The following ACSM6 variants were observed in gnomAD, a reference collection of about 807,000 sequenced individuals.
The protein encoded by ACSM6 is acyl-coenzyme A synthetase ACSM6, mitochondrial.
Under a neutral mutation model 51.1 loss-of-function variants are expected in ACSM6, and 35 were observed. The observed-to-expected ratio is 0.69, with a 90% CI of 0.52 to 0.91. The LOEUF (loss-of-function observed/expected upper bound fraction) is 0.91, where lower values mean the gene tolerates loss of function less well. ACSM6 is among the 40% of genes least tolerant of loss of function. ACSM6 has a pLI of 0.00. For synonymous variants in ACSM6, 172 were observed against 207.3 expected (o/e 0.83, Z 1.46); for missense variants, 509 against 584.1 (o/e 0.87, Z 1.32).
chr10:95,207,701 C>T (rs577583417), intron 4 of ACSM6, among the ~76,000 whole-genome samples: 44 of 152,084 alleles, frequency 2.9e-4, no homozygotes, highest in African/African-American at 1.0e-3. Flanking sequence ...TCATATGTAA[C>T]CATTCGTTCT....
At chr10:95,197,862 C>T (rs1037943859) in intron 2 of ACSM6, among the ~76,000 whole-genome samples, 36 of 152,354 alleles carry the variant, frequency 2.4e-4, no homozygotes, top group Admixed American at 2.4e-3. Context: ...TTGGACGATA[C>T]CCAGCTTTCA....
chr10:95,213,096 ATTT>A (rs1460334723), intron 7 of ACSM6, among the ~76,000 whole-genome samples, 156 bp downstream of exon 7: 2 of 152,120 alleles, frequency 1.3e-5, no homozygotes, highest in African/African-American at 2.4e-5. Context: ...AGTGTGTGTG[ATTT>A]TTTATTCCCT....
chr10:95,204,897 G>T (rs1041613599), intron 3 of ACSM6, among the ~76,000 whole-genome samples: 1 of 152,038 alleles, frequency 6.6e-6, no homozygotes, highest in Admixed American at 6.6e-5. Context: ...TAATGTATAA[G>T]AAACATCTGT....
At chr10:95,226,958 T>C in intron 10 of ACSM6, among the ~76,000 whole-genome samples, 1 of 151,924 alleles carries the variant, frequency 6.6e-6, no homozygotes, top group East Asian at 1.9e-4. Context: ...TACTTATGAT[T>C]TTCAGGGATC....
intron 2 of ACSM6, among the ~76,000 whole-genome samples, chr10:95,196,484 T>C (rs957307577): frequency 3.3e-5 from 5 of 152,240 alleles, no homozygotes; most frequent in Non-Finnish European, 7.3e-5. Flanking sequence ...CACTTCATCA[T>C]AGAATTGTTA....
At chr10:95,220,004 T>G (rs1471641795) in intron 9 of ACSM6, 33 bp downstream of exon 9, 1 of 1,518,308 alleles carries the variant, frequency 6.6e-7, no homozygotes, top group African/African-American at 1.4e-5. Context: ...ATGACAGATA[T>G]TATTAAGTGA....
chr10:95,210,605 G>A (rs199746014), intron 4 of ACSM6, 45 bp from the exon 5 acceptor site: 2 of 1,580,130 alleles, frequency 1.3e-6, no homozygotes, highest in Non-Finnish European at 1.7e-6. Flanking sequence ...CTTAATCAGA[G>A]AACCTAAATT....
At position 95,228,735 on chromosome 10, in the gene ACSM6, G is replaced by A. The variant is rs1000095820; in HGVS notation, c.1394G>A (p.Trp465Ter). The stretch of plus-strand genomic sequence containing the variant: ...ATGGATGAAGACGGCTACTTCTGGT[G>A]GTCTGGTAGAGTTGATGATGTTGCC... Residue 465 changes from tryptophan (W) to a stop codon, truncating the protein, a stop_gained, in exon 11 of 11, where the codon TGG (tryptophan) becomes TAG (stop). Transcript: ENST00000341686. LOFTEE classifies it low-confidence loss of function (END_TRUNC). The A allele has an allele frequency of 1.5e-5, 23 of 1,551,780 alleles. No individual in the cohort carries two copies. Among genetic ancestry groups the A allele is most frequent in the Non-Finnish European group, 1.8e-5 (21 of 1,146,966 alleles).
At position 95,225,276 on chromosome 10, in the gene ACSM6, T is replaced by C. The variant is rs567693209; in HGVS notation, c.1201-14T>C. Reference sequence around the variant, plus strand: ...TTTGTAAGGAAAATTCCTTTAGTGATTATCTAATTTCAGATTGTGGATGAA... The same window carrying C: ...TTTGTAAGGAAAATTCCTTTAGTGACTATCTAATTTCAGATTGTGGATGAA... On this transcript the variant is annotated splice_polypyrimidine_tract_variant and intron_variant, in intron 9 of 10. Coordinates refer to ENST00000341686, the Ensembl canonical transcript of ACSM6. 5.1e-5 allele frequency: 78 copies of C among 1,523,366 alleles called. No homozygotes were observed. Among genetic ancestry groups the C allele is most frequent in the Non-Finnish European group, 6.7e-5 (75 of 1,121,450 alleles). 94.4% of individuals were successfully genotyped at this position (1,523,366 alleles called of 1,614,324 possible). A position where few individuals can be genotyped will look rare whatever the true frequency, so the allele number is the denominator to read the frequency against.
chr10:95,220,678 ATT>A, intron 9 of ACSM6, among the ~76,000 whole-genome samples: 1 of 152,270 alleles, frequency 6.6e-6, no homozygotes, highest in East Asian at 1.9e-4. Context: ...AATTGACCCA[ATT>A]TTGTTAAAGA....
chr10:95,228,252 C>T (rs2035061281), intron 10 of ACSM6: 1 of 158,134 alleles, frequency 6.3e-6, no homozygotes, highest in Non-Finnish European at 1.4e-5. Flanking sequence ...ATTAAAGGCA[C>T]AATTCAAAGA....
intron 4 of ACSM6, among the ~76,000 whole-genome samples, chr10:95,208,933 TAAAAAAAAAA>T (rs34370150): frequency 8.0e-4 from 27 of 33,920 alleles, no homozygotes; most frequent in East Asian, 2.0e-3. Context: ...CAGGGATGTT[TAAAAAAAAAA>T]AAAAAAAAAA....
chr10:95,207,000 C>T (rs1184781952), intron 3 of ACSM6, among the ~76,000 whole-genome samples: 1 of 152,142 alleles, frequency 6.6e-6, no homozygotes, highest in Non-Finnish European at 1.5e-5. Context: ...AGCAACAGAG[C>T]CACAGATCAC....
exon 3 of ACSM6, chr10:95,202,090 A>G: frequency 6.4e-7 from 1 of 1,552,184 alleles, no homozygotes; most frequent in South Asian, 1.2e-5. Context: ...GAAGGCCGCC[A>G]GCATCCTCTC....
intron 2 of ACSM6, chr10:95,201,293 T>G (rs151326227): frequency 2.7e-6 from 1 of 364,912 alleles, no homozygotes; most frequent in Admixed American, 3.3e-5. Flanking sequence ...TAGTACCAAA[T>G]AGGTAATTTT....
chr10:95,205,586 G>A (rs768641140), intron 3 of ACSM6, among the ~76,000 whole-genome samples: 4 of 152,094 alleles, frequency 2.6e-5, no homozygotes, highest in Non-Finnish European at 4.4e-5. Context: ...CTGGGTTGGA[G>A]GACACACAAA....
chr10:95,201,206 G>A (rs1195499988), intron 2 of ACSM6, among the ~76,000 whole-genome samples: 1 of 152,206 alleles, frequency 6.6e-6, no homozygotes, highest in East Asian at 1.9e-4. Flanking sequence ...AGGTGCATGT[G>A]CAGGTTTGTT....
intron 2 of ACSM6, among the ~76,000 whole-genome samples, chr10:95,196,651 A>C (rs937118526): frequency 6.6e-6 from 1 of 152,230 alleles, no homozygotes; most frequent in Non-Finnish European, 1.5e-5. Flanking sequence ...GTAACCTGGA[A>C]TCACACTTGT....
chr10:95,227,746 C>T (rs1157800005), intron 10 of ACSM6, among the ~76,000 whole-genome samples: 2 of 152,198 alleles, frequency 1.3e-5, no homozygotes, highest in Non-Finnish European at 1.5e-5. Flanking sequence ...ACATTGGTGA[C>T]GTGGTCTCTA....
Sources: allele counts gnomAD v4.1 joint callset (sites outside exome capture counted in the v4.1 genomes callset), GRCh38; gene constraint gnomAD v4.1.1; transcripts MANE v1.5; gene names NCBI Gene and HGNC (gene_info 2026-07-23, HGNC 2026-07-21).